Variants in WWTR1 observed in about 807,000 individuals in gnomAD.
WWTR1 encodes WW domain containing transcription regulator 1, also known as WW domain-containing transcription regulator protein 1.
Under a neutral mutation model 40.1 loss-of-function variants are expected in WWTR1, and 13 were observed. The ratio of observed to expected loss-of-function variants is 0.32; its 90% CI spans 0.21 to 0.52. The LOEUF is 0.52. Among genes scored for constraint, WWTR1 ranks in the 20% least tolerant of loss-of-function variants. The pLI, the probability that WWTR1 is intolerant of heterozygous loss-of-function variation, is 0.97. For missense variants in WWTR1, 436 were observed against 523.1 expected (o/e 0.83, Z 1.63); for synonymous variants, 230 against 210.1 (o/e 1.09, Z -0.82).
chr3:149,627,151 T>C (rs937781049), intron 2 of WWTR1, among the ~76,000 whole-genome samples: 3 of 152,206 alleles, frequency 2.0e-5, no homozygotes, highest in Admixed American at 1.3e-4. Context: ...ATCTGGGATA[T>C]ACTTAAAACT....
chr3:149,543,126 GA>G (rs1030431224), intron 3 of WWTR1, among the ~76,000 whole-genome samples: 2 of 152,082 alleles, frequency 1.3e-5, no homozygotes, highest in Non-Finnish European at 2.9e-5. Flanking sequence ...ATCTGACTGA[GA>G]AAAAAATGTT....
At chr3:149,580,041 A>G (rs768501471) in intron 2 of WWTR1, among the ~76,000 whole-genome samples, 22 of 152,214 alleles carry the variant, frequency 1.4e-4, no homozygotes, top group Non-Finnish European at 3.1e-4. Context: ...CCGAAGACTT[A>G]TATTAAACTT....
chr3:149,682,862 C>T (rs1392862019), intron 1 of WWTR1, among the ~76,000 whole-genome samples: 2 of 152,122 alleles, frequency 1.3e-5, no homozygotes, highest in Non-Finnish European at 2.9e-5. Context: ...TCTGCAGAAA[C>T]CGCCATGGAA....
chr3:149,616,387 C>A (rs1739967355), intron 2 of WWTR1, among the ~76,000 whole-genome samples: 2 of 152,056 alleles, frequency 1.3e-5, no homozygotes, highest in African/African-American at 4.8e-5. Flanking sequence ...CTGGCTAGAA[C>A]TACGTATTTC....
upstream of WWTR1, among the ~76,000 whole-genome samples, chr3:149,704,880 AAAAAC>A (rs1272063013): frequency 6.6e-6 from 1 of 151,872 alleles, no homozygotes; most frequent in African/African-American, 2.4e-5. Context: ...ACAAACAACG[AAAAAC>A]AAAACAAAAC....
chr3:149,624,893 A>T (rs902123750), intron 2 of WWTR1, among the ~76,000 whole-genome samples: 114 of 150,442 alleles, frequency 7.6e-4, no homozygotes, highest in African/African-American at 2.6e-3. Flanking sequence ...TATTTTATTT[A>T]TTTATTTTTT....
chr3:149,551,254 C>T lies in WWTR1; in HGVS notation c.569-8717G>A, dbSNP rs776834088. 1.7e-4 allele frequency among the ~76,000 whole-genome samples: 24 copies of T among 144,130 alleles called. 2 individuals are homozygous for T. In the Middle Eastern group the frequency reaches 0.018, roughly 107 times the overall value. 94.6% of individuals were successfully genotyped at this position (144,130 alleles called of 152,430 possible). A position where few individuals can be genotyped will look rare whatever the true frequency, so the allele number is the denominator to read the frequency against. ...AGGAGGTTGCGGTGAGCCAAGACCA[C>T]GCCATTGCTCTCCAGCCTGGGCAGC... On this transcript the variant is annotated intron_variant, in intron 3 of 6. Transcript: ENST00000360632.
intron 3 of WWTR1, among the ~76,000 whole-genome samples, chr3:149,572,626 C>T (rs1737691375): frequency 6.6e-6 from 1 of 151,948 alleles, no homozygotes; most frequent in Admixed American, 6.6e-5. Context: ...TAGAAACAGC[C>T]AGAACCACTT....
At chr3:149,657,333 C>T (rs1385609156) in intron 1 of WWTR1, 24 bp from the exon 2 acceptor site, 4 of 1,590,628 alleles carry the variant, frequency 2.5e-6, no homozygotes, top group South Asian at 1.1e-5. Flanking sequence ...GTCAGATCAG[C>T]CTTTTATTTA....
At chr3:149,568,555 A>AC (rs1737461305) in intron 3 of WWTR1, among the ~76,000 whole-genome samples, 1 of 140,348 alleles carries the variant, frequency 7.1e-6, no homozygotes, top group Non-Finnish European at 1.5e-5. Flanking sequence ...AAAAAAAAAA[A>AC]AAAAACCATA....
chr3:149,656,836 A>G, intron 2 of WWTR1, 40 bp downstream of exon 2: 1 of 1,489,978 alleles, frequency 6.7e-7, no homozygotes, highest in Non-Finnish European at 8.9e-7. Context: ...CGCGTTGGGC[A>G]CTGTGACTTG....
At chr3:149,659,049 C>T (rs930935158), upstream of WWTR1, among the ~76,000 whole-genome samples, 1 of 152,098 alleles carries the variant, frequency 6.6e-6, no homozygotes, top group African/African-American at 2.4e-5. Context: ...TCAAGTCTGG[C>T]GAAACAGCTG....
chr3:149,600,684 T>G (rs1416244876), intron 2 of WWTR1, among the ~76,000 whole-genome samples: 2 of 152,188 alleles, frequency 1.3e-5, no homozygotes, highest in Non-Finnish European at 2.9e-5. Flanking sequence ...CCAAATAAAG[T>G]CTTTCCATGA....
chr3:149,598,931 AC>A (rs1418539622), intron 2 of WWTR1, among the ~76,000 whole-genome samples: 5 of 152,164 alleles, frequency 3.3e-5, no homozygotes, highest in Admixed American at 6.5e-5. Flanking sequence ...CGGCCTTATT[AC>A]TTGTAAGTCA....
At chr3:149,721,259 A>T (rs758164332) in intron 4 of WWTR1, among the ~76,000 whole-genome samples, 1 of 152,120 alleles carries the variant, frequency 6.6e-6, no homozygotes, top group Non-Finnish European at 1.5e-5. Context: ...AGCTTTTGTT[A>T]TGTTGAGTTA....
intron 2 of WWTR1, among the ~76,000 whole-genome samples, chr3:149,639,295 T>C (rs1426207811): frequency 6.6e-6 from 1 of 152,150 alleles, no homozygotes; most frequent in Middle Eastern, 3.2e-3. Context: ...CCTGAATTCA[T>C]AGGCTGAAGT....
chr3:149,589,830 G>T (rs1209349228), intron 2 of WWTR1, among the ~76,000 whole-genome samples: 2 of 151,804 alleles, frequency 1.3e-5, no homozygotes, highest in Admixed American at 6.6e-5. Context: ...ATATTTAATG[G>T]GTTTACTTCG....
intron 2 of WWTR1, among the ~76,000 whole-genome samples, chr3:149,645,069 T>C (rs1396216373): frequency 6.7e-6 from 1 of 148,408 alleles, no homozygotes; most frequent in Non-Finnish European, 1.5e-5. Flanking sequence ...GCCAGGCTGC[T>C]CTTTTATTTT....
Position 149,665,573 on chromosome 3 carries a change from A to G in WWTR1, c.-4+4215T>C, listed in dbSNP as rs927303980. 7.9e-5 allele frequency among the ~76,000 whole-genome samples: 12 copies of G among 152,312 alleles called. No homozygotes were observed. In the East Asian group the frequency reaches 1.9e-3, roughly 24 times the overall value. ...AAGAGAATGGTTAAGTATATCTAAC[A>G]GCTTAACATATGCAATGAAGATTCT... is the stretch of plus-strand genomic sequence containing the variant. On this transcript the variant is annotated intron_variant, in intron 2 of 7. Coordinates refer to the WWTR1 transcript ENST00000465804.
Sources: gnomAD v4.1 joint callset for allele counts (sites outside exome capture counted in the v4.1 genomes callset) on GRCh38, gnomAD v4.1.1 for gene constraint, MANE v1.5 for transcripts, NCBI Gene and HGNC (gene_info 2026-07-23, HGNC 2026-07-21) for gene names.